OSTF1: variants seen among roughly 807,000 people sequenced by gnomAD.
OSTF1 encodes osteoclast-stimulating factor 1.
A neutral mutation model predicts 37.2 loss-of-function variants in OSTF1; 27 were observed. That is an observed-to-expected ratio of 0.73 (90% CI 0.54 to 1.00). The LOEUF (loss-of-function observed/expected upper bound fraction) is 1.00. OSTF1 is among the 50% of genes least tolerant of loss of function. The pLI, the probability that OSTF1 is intolerant of heterozygous loss-of-function variation, is 0.00. For missense variants in OSTF1, 232 were observed against 253.8 expected (o/e 0.91, Z 0.58); for synonymous variants, 82 against 89.2 (o/e 0.92, Z 0.46).
chr9:75,109,596 C>G (rs1300991411), intron 1 of OSTF1, among the ~76,000 whole-genome samples: 1 of 152,104 alleles, frequency 6.6e-6, no homozygotes, highest in Non-Finnish European at 1.5e-5. Flanking sequence ...TAGGTCATGA[C>G]CTTCAGTTTA....
intron 1 of OSTF1, among the ~76,000 whole-genome samples, chr9:75,089,416 A>G (rs188455976): frequency 9.1e-4 from 139 of 152,196 alleles, no homozygotes; most frequent in African/African-American, 3.2e-3. Flanking sequence ...TGAGATTACT[A>G]AATTCCTCAA....
intron 1 of OSTF1, among the ~76,000 whole-genome samples, chr9:75,096,093 G>A (rs945832141): frequency 2.0e-4 from 31 of 152,184 alleles, no homozygotes; most frequent in African/African-American, 5.1e-4. Flanking sequence ...GGGTTTCACC[G>A]TGTTAGCCAG....
At chr9:75,146,630 C>T in intron 9 of OSTF1, 53 bp from the exon 10 acceptor site, 1 of 1,173,230 alleles carries the variant, frequency 8.5e-7, no homozygotes, top group Non-Finnish European at 1.3e-6. Context: ...AAAATAAAAT[C>T]TGAGCAGTTT....
rs533890054 is a variant in OSTF1, at chr9:75,146,673, T to A, written c.587-10T>A. ...CCCTATTTTGCTTTTTTCCCTCCTCTTTCTTTCAGATGCAGTTCGAACATT... is the reference window on the plus strand; with the variant it reads ...CCCTATTTTGCTTTTTTCCCTCCTCATTCTTTCAGATGCAGTTCGAACATT... On this transcript the variant is annotated splice_polypyrimidine_tract_variant and intron_variant, in intron 9 of 9. Coordinates refer to ENST00000346234, the MANE Select transcript of OSTF1 (RefSeq NM_012383.5). 2 of 1,603,442 alleles carry A rather than the reference T, an allele frequency of 1.2e-6. No individual in the cohort carries two copies. Among genetic ancestry groups the A allele is most frequent in the Non-Finnish European group, 1.7e-6 (2 of 1,173,036 alleles).
At position 75,146,693 on chromosome 9, in the gene OSTF1, A is replaced by G. The variant is rs373496607; in HGVS notation, c.597A>G (p.Arg199=). The G allele has an allele frequency of 1.6e-4, 258 of 1,609,724 alleles. No homozygotes were observed. Among genetic ancestry groups the G allele is most frequent in the Non-Finnish European group, 2.0e-4 (236 of 1,177,474 alleles). The change falls in exon 10 of 10, where the codon CGA becomes CGG. Residue 199 remains arginine, a synonymous_variant. Coordinates refer to ENST00000346234, the MANE Select transcript of OSTF1 (RefSeq NM_012383.5). Reference sequence around the variant, plus strand: ...TCCTCTTTCTTTCAGATGCAGTTCGAACATTAAGCAATGCCGAGGACTATC... The same window carrying G: ...TCCTCTTTCTTTCAGATGCAGTTCGGACATTAAGCAATGCCGAGGACTATC... The part of the protein sequence containing the change: ...LKKKQGTDAV[R]TLSNAEDYLD...
intron 2 of OSTF1, among the ~76,000 whole-genome samples, chr9:75,124,866 G>T (rs1206871477): frequency 1.3e-5 from 2 of 152,128 alleles, no homozygotes; most frequent in Non-Finnish European, 2.9e-5. Flanking sequence ...ATTTTAGAAG[G>T]AGGGTCAAAC....
chr9:75,095,462 G>A (rs572883139), intron 1 of OSTF1, among the ~76,000 whole-genome samples: 15 of 152,314 alleles, frequency 9.8e-5, no homozygotes, highest in African/African-American at 3.6e-4. Flanking sequence ...AAGATGTTAC[G>A]GAAGAGGAGT....
chr9:75,095,461 C>T (rs1437774334), intron 1 of OSTF1, among the ~76,000 whole-genome samples: 3 of 152,088 alleles, frequency 2.0e-5, no homozygotes, highest in Non-Finnish European at 4.4e-5. Flanking sequence ...GAAGATGTTA[C>T]GGAAGAGGAG....
chr9:75,116,907 A>G (rs926200396), intron 1 of OSTF1, among the ~76,000 whole-genome samples: 2 of 152,020 alleles, frequency 1.3e-5, no homozygotes, highest in Non-Finnish European at 2.9e-5. Context: ...AATATCTCCT[A>G]TGTGGAAAAG....
chr9:75,119,330 C>G (rs1420964587), intron 2 of OSTF1, among the ~76,000 whole-genome samples: 1 of 152,210 alleles, frequency 6.6e-6, no homozygotes, highest in Non-Finnish European at 1.5e-5. Context: ...TCAGACAGTT[C>G]TCCCAAGACT....
chr9:75,102,417 T>C (rs911317822), intron 1 of OSTF1, among the ~76,000 whole-genome samples: 2 of 152,246 alleles, frequency 1.3e-5, no homozygotes, highest in Non-Finnish European at 2.9e-5. Flanking sequence ...GACTAGCGTC[T>C]TGAAGAAAAG....
At chr9:75,101,801 T>C (rs189436584) in intron 1 of OSTF1, among the ~76,000 whole-genome samples, 2 of 152,314 alleles carry the variant, frequency 1.3e-5, no homozygotes, top group African/African-American at 4.8e-5. Context: ...CAGTTCTGTC[T>C]CTAGTGATTC....
rs1327365632 is a variant in OSTF1, at chr9:75,131,737, A to G, written c.197-33A>G. On this transcript the variant is annotated intron_variant, in intron 4 of 9. Coordinates refer to ENST00000346234, the MANE Select transcript of OSTF1 (RefSeq NM_012383.5). Reference sequence around the variant, plus strand: ...AGTAAATCATTTGTGTGGCAATTCCACATTGGGTTAACACTTTTTATTTTC... The same window carrying G: ...AGTAAATCATTTGTGTGGCAATTCCGCATTGGGTTAACACTTTTTATTTTC... The G allele has an allele frequency of 3.8e-6, 6 of 1,578,540 alleles. No individual in the cohort carries two copies. In the Admixed American group the frequency reaches 5.0e-5, roughly 13 times the overall value.
chr9:75,136,829 A>G (rs1444860091), intron 7 of OSTF1, among the ~76,000 whole-genome samples: 1 of 152,080 alleles, frequency 6.6e-6, no homozygotes, highest in Non-Finnish European at 1.5e-5. Flanking sequence ...AATGAAAGTG[A>G]CACTCCTTCC....
At chr9:75,139,027 C>CTTCTTTCTTTCTTTCTTTCTTTCCTTCT (rs1825886680) in intron 8 of OSTF1, among the ~76,000 whole-genome samples, 111 of 120,512 alleles carry the variant, frequency 9.2e-4, no homozygotes, top group African/African-American at 3.1e-3. Context: ...TTTGGGGACA[C>CTTCTTTCTTTCTTTCTTTCTTTCCTTCT]TTCTTTCTTT....
intron 6 of OSTF1, among the ~76,000 whole-genome samples, chr9:75,133,820 A>G (rs1825803458): frequency 6.6e-6 from 1 of 152,246 alleles, no homozygotes; most frequent in Admixed American, 6.5e-5. Context: ...AACATTTGCC[A>G]AAGTTAGTGA....
At chr9:75,111,250 C>A (rs1452428080) in intron 1 of OSTF1, among the ~76,000 whole-genome samples, 2 of 152,104 alleles carry the variant, frequency 1.3e-5, no homozygotes, top group Admixed American at 6.6e-5. Flanking sequence ...GTTGCAGAAC[C>A]CTTCTCTCTG....
At chr9:75,112,370 A>G (rs1825407119) in intron 1 of OSTF1, among the ~76,000 whole-genome samples, 1 of 152,108 alleles carries the variant, frequency 6.6e-6, no homozygotes, top group Non-Finnish European at 1.5e-5. Flanking sequence ...CATTTCTTTC[A>G]TATTCTGAGG....
At chr9:75,119,333 C>T (rs942964739) in intron 2 of OSTF1, among the ~76,000 whole-genome samples, 4 of 152,286 alleles carry the variant, frequency 2.6e-5, no homozygotes, top group African/African-American at 9.6e-5. Context: ...GACAGTTCTC[C>T]CAAGACTTTG....
Sources: gnomAD v4.1 joint callset for allele counts (sites outside exome capture counted in the v4.1 genomes callset) on GRCh38, gnomAD v4.1.1 for gene constraint, MANE v1.5 for transcripts, NCBI Gene and HGNC (gene_info 2026-07-23, HGNC 2026-07-21) for gene names.